B3GALT1: variants seen among roughly 807,000 people sequenced by gnomAD.
The protein encoded by B3GALT1 is UDP-Gal:betaGlcNAc beta 1,3-galactosyltransferase, polypeptide 1.
Under a neutral mutation model 23.2 loss-of-function variants are expected in B3GALT1, and 10 were observed. That is an observed-to-expected ratio of 0.43 (90% confidence interval 0.27 to 0.73). B3GALT1 has a LOEUF of 0.73. Among genes scored for constraint, B3GALT1 ranks in the 30% least tolerant of loss-of-function variants. B3GALT1 has a pLI of 0.21. For synonymous variants in B3GALT1, 156 were observed against 141.5 expected (o/e 1.10, Z -0.73); for missense variants, 299 against 405.4 (o/e 0.74, Z 2.25).
At chr2:167,390,526 A>G (rs1698002562) in intron 1 of B3GALT1, among the ~76,000 whole-genome samples, 1 of 152,320 alleles carries the variant, frequency 6.6e-6, no homozygotes, top group South Asian at 2.1e-4. Context: ...AAGCTTTTTC[A>G]AACTAAATAC....
chr2:167,422,056 A>G (rs1322231842), intron 1 of B3GALT1, among the ~76,000 whole-genome samples: 2 of 146,218 alleles, frequency 1.4e-5, no homozygotes, highest in Non-Finnish European at 3.0e-5. Context: ...GTAGAGGAGG[A>G]GGAAGAGGAA....
chr2:167,513,570 T>G (rs1700059893), intron 2 of B3GALT1, among the ~76,000 whole-genome samples: 1 of 152,160 alleles, frequency 6.6e-6, no homozygotes, highest in Non-Finnish European at 1.5e-5. Flanking sequence ...GTCTTTTATG[T>G]TGAAAAGAAG....
chr2:167,625,323 A>G (rs938974275), intron 2 of B3GALT1, among the ~76,000 whole-genome samples: 3 of 151,952 alleles, frequency 2.0e-5, no homozygotes, highest in African/African-American at 7.2e-5. Flanking sequence ...CATGGCCACA[A>G]TAATTCTGAC....
intron 1 of B3GALT1, among the ~76,000 whole-genome samples, chr2:167,303,610 C>G (rs1696492667): frequency 6.6e-6 from 1 of 150,522 alleles, no homozygotes; most frequent in South Asian, 2.1e-4. Context: ...TGAGTTGAGA[C>G]ATCTGTTTTC....
chr2:167,450,303 A>G (rs1191680060), intron 1 of B3GALT1, among the ~76,000 whole-genome samples: 1 of 151,180 alleles, frequency 6.6e-6, no homozygotes, highest in Non-Finnish European at 1.5e-5. Flanking sequence ...GTTTCTGTTT[A>G]TTCCTGGTTT....
At chr2:167,860,379 C>T (rs1005089490) in intron 4 of B3GALT1, among the ~76,000 whole-genome samples, 15 of 152,124 alleles carry the variant, frequency 9.9e-5, no homozygotes, top group Admixed American at 6.6e-4. Context: ...CTGTCTCTCT[C>T]GTGTGCTCTC....
At chr2:167,594,630 G>C (rs1160688389) in intron 2 of B3GALT1, among the ~76,000 whole-genome samples, 1 of 151,970 alleles carries the variant, frequency 6.6e-6, no homozygotes, top group African/African-American at 2.4e-5. Flanking sequence ...ACTTGGATAG[G>C]GGCCTGGCAC....
At chr2:167,704,543 A>C (rs144496783) in intron 3 of B3GALT1, among the ~76,000 whole-genome samples, 45 of 152,274 alleles carry the variant, frequency 3.0e-4, no homozygotes, top group African/African-American at 1.0e-3. Context: ...ACTTTAAAAA[A>C]AAAAACTAGG....
intron 3 of B3GALT1, among the ~76,000 whole-genome samples, chr2:167,755,034 G>T (rs1423764118): frequency 6.6e-6 from 1 of 152,008 alleles, no homozygotes; most frequent in Non-Finnish European, 1.5e-5. Context: ...GTTGTAGGGG[G>T]CGGGGTGATG....
chr2:167,303,298 A>G (rs1235618580), intron 1 of B3GALT1, among the ~76,000 whole-genome samples: 2 of 152,142 alleles, frequency 1.3e-5, no homozygotes, highest in Non-Finnish European at 2.9e-5. Context: ...AAAAACACAC[A>G]GTAAAAATTC....
At chr2:167,439,537 T>C (rs1698843922) in intron 1 of B3GALT1, among the ~76,000 whole-genome samples, 1 of 152,004 alleles carries the variant, frequency 6.6e-6, no homozygotes, top group Non-Finnish European at 1.5e-5. Flanking sequence ...TTTTCTAGCT[T>C]ATTTCTCTTT....
At chr2:167,489,156 G>A (rs1173458123) in intron 1 of B3GALT1, among the ~76,000 whole-genome samples, 2 of 152,114 alleles carry the variant, frequency 1.3e-5, no homozygotes, top group Non-Finnish European at 2.9e-5. Context: ...CATTTGATAA[G>A]CCAAGCAGAT....
chr2:167,434,643 G>A (rs557568665), intron 1 of B3GALT1, among the ~76,000 whole-genome samples: 2 of 150,896 alleles, frequency 1.3e-5, no homozygotes, highest in South Asian at 4.2e-4. Context: ...ATTCAAATCA[G>A]CATTCCAAAT....
At chr2:167,387,028 A>G (rs937684706) in intron 1 of B3GALT1, among the ~76,000 whole-genome samples, 1 of 152,104 alleles carries the variant, frequency 6.6e-6, no homozygotes, top group South Asian at 2.1e-4. Flanking sequence ...ATCATATCAT[A>G]TCATTTCATG....
At chr2:167,445,657 C>A (rs1259462761) in intron 1 of B3GALT1, among the ~76,000 whole-genome samples, 3 of 152,044 alleles carry the variant, frequency 2.0e-5, no homozygotes, top group Non-Finnish European at 4.4e-5. Flanking sequence ...GGTTTAAAAT[C>A]TGTTTTATCA....
intron 1 of B3GALT1, among the ~76,000 whole-genome samples, chr2:167,360,970 A>C (rs1192323706): frequency 6.6e-6 from 1 of 152,138 alleles, no homozygotes; most frequent in Non-Finnish European, 1.5e-5. Flanking sequence ...GTCTTTCTGT[A>C]CCTGGCTTAT....
At chr2:167,479,966 C>T (rs954109636) in intron 1 of B3GALT1, among the ~76,000 whole-genome samples, 1 of 152,046 alleles carries the variant, frequency 6.6e-6, no homozygotes, top group Non-Finnish European at 1.5e-5. Context: ...TGCGCTGAGT[C>T]TGCCTCTGGC....
intron 2 of B3GALT1, among the ~76,000 whole-genome samples, chr2:167,597,535 C>T (rs1684800568): frequency 6.6e-6 from 1 of 152,180 alleles, no homozygotes. Context: ...CCAACTGACA[C>T]TCAAGAGGGC....
At chr2:167,299,197 C>A (rs1696405971) in intron 1 of B3GALT1, among the ~76,000 whole-genome samples, 1 of 152,196 alleles carries the variant, frequency 6.6e-6, no homozygotes, top group Non-Finnish European at 1.5e-5. Flanking sequence ...ATCAATTCCT[C>A]ACTGAACAGT....
Sources: allele counts gnomAD v4.1 joint callset (sites outside exome capture counted in the v4.1 genomes callset), GRCh38; gene constraint gnomAD v4.1.1; transcripts MANE v1.5; gene names NCBI Gene and HGNC (gene_info 2026-07-23, HGNC 2026-07-21).